Variants in GRIP1 observed in about 807,000 individuals in gnomAD.
The protein encoded by GRIP1 is glutamate receptor interacting protein 1, also known as glutamate receptor-interacting protein 1.
In GRIP1, 45 loss-of-function variants were observed where a neutral mutation model predicts 129.9. The ratio of observed to expected loss-of-function variants is 0.35; its 90% CI spans 0.27 to 0.44. The LOEUF is 0.44. GRIP1 is among the 20% of genes least tolerant of loss of function. The pLI, the probability that GRIP1 is intolerant of heterozygous loss-of-function variation, is 1.00. For synonymous variants in GRIP1, 530 were observed against 520.8 expected, an observed-to-expected ratio of 1.02 and a Z score of -0.24; for missense variants, 1,196 against 1,396.8, an observed-to-expected ratio of 0.86 and a Z score of 2.29.
At chr12:66,815,833 T>C (rs1030430036) in intron 1 of GRIP1, among the ~76,000 whole-genome samples, 2 of 87,068 alleles carry the variant, frequency 2.3e-5, no homozygotes, top group Non-Finnish European at 4.7e-5. Context: ...TCTTTCTTTC[T>C]TTCTTTCTTT....
At chr12:66,995,199 C>T (rs1363327925) in intron 1 of GRIP1, among the ~76,000 whole-genome samples, 5 of 148,652 alleles carry the variant, frequency 3.4e-5, no homozygotes, top group African/African-American at 1.2e-4. Flanking sequence ...AAAAAAGACT[C>T]AAAATGGATC....
intron 1 of GRIP1, among the ~76,000 whole-genome samples, chr12:66,731,655 G>T (rs996342440): frequency 6.6e-6 from 1 of 152,158 alleles, no homozygotes; most frequent in Non-Finnish European, 1.5e-5. Context: ...GACAAGAAAA[G>T]AATTAGGTCA....
At chr12:66,455,614 G>A in intron 10 of GRIP1, 50 bp from the exon 11 acceptor site, 1 of 1,552,262 alleles carries the variant, frequency 6.4e-7, no homozygotes, top group Non-Finnish European at 8.8e-7. Context: ...TGAGGTGTGA[G>A]CCCGCCACAC....
chr12:66,931,185 T>G (rs2041389377), intron 1 of GRIP1, among the ~76,000 whole-genome samples: 1 of 152,152 alleles, frequency 6.6e-6, no homozygotes, highest in South Asian at 2.1e-4. Flanking sequence ...AATTGCTAAC[T>G]TTAAGAACTA....
At chr12:66,681,616 C>T (rs970622085), upstream of GRIP1, among the ~76,000 whole-genome samples, 1 of 152,132 alleles carries the variant, frequency 6.6e-6, no homozygotes, top group Non-Finnish European at 1.5e-5. Flanking sequence ...GCTGTCTAGA[C>T]AGTTCAAACT....
rs113271190 is a variant in GRIP1, at chr12:66,716,784, G to A, written c.-419-86448C>T. Among the ~76,000 whole-genome samples, 441 of 152,128 alleles carry A rather than the reference G, an allele frequency of 2.9e-3. 1 individual carries two copies. The highest frequency in any genetic ancestry group is 0.01 in the African/African-American group (418 of 41,524). On this transcript the variant is annotated intron_variant, in intron 1 of 4. Transcript: ENST00000538373. Reference sequence around the variant, plus strand: ...GAGTGGCAGAAAAGGGAAGAAAATCGAGGTGGCAGGTGGGAGGCTTAAATT... The same window carrying A: ...GAGTGGCAGAAAAGGGAAGAAAATCAAGGTGGCAGGTGGGAGGCTTAAATT...
chr12:66,649,755 C>T (rs1208198727), intron 1 of GRIP1, among the ~76,000 whole-genome samples: 1 of 152,122 alleles, frequency 6.6e-6, no homozygotes, highest in African/African-American at 2.4e-5. Flanking sequence ...GTTTCGGATA[C>T]ACGGAAATGA....
chr12:66,675,643 C>G (rs1315527450), intron 1 of GRIP1, among the ~76,000 whole-genome samples: 1 of 152,062 alleles, frequency 6.6e-6, no homozygotes, highest in East Asian at 1.9e-4. Context: ...CTCCAGAAAA[C>G]CCTTTTGTCA....
At chr12:66,754,510 C>CA (rs1391982900) in intron 1 of GRIP1, among the ~76,000 whole-genome samples, 1 of 152,104 alleles carries the variant, frequency 6.6e-6, no homozygotes, top group Admixed American at 6.5e-5. Context: ...ACGAGAGAGA[C>CA]AACATATTCT....
rs565353517 is a variant in GRIP1, at chr12:66,929,266, C to A, written c.58+139784G>T. ...CTAACTCTGCATGGCTGGTTTCATC[C>A]TATCACTCATGTCTCACCTCAAACA... is the stretch of plus-strand genomic sequence containing the variant. On this transcript the variant is annotated intron_variant, in intron 1 of 1. Transcript: ENST00000643019. 1.3e-4 allele frequency among the ~76,000 whole-genome samples: 20 copies of A among 152,270 alleles called. No homozygotes were observed. The South Asian group carries it at 3.1e-3, about 24-fold the overall frequency.
intron 1 of GRIP1, among the ~76,000 whole-genome samples, chr12:66,892,318 C>T (rs371137427): frequency 6.6e-6 from 1 of 152,152 alleles, no homozygotes; most frequent in Non-Finnish European, 1.5e-5. Flanking sequence ...AATTGGTCTC[C>T]CTGCTTCCCC....
chr12:66,751,785 C>A (rs143936012), intron 1 of GRIP1, among the ~76,000 whole-genome samples: 181 of 152,298 alleles, frequency 1.2e-3, no homozygotes, highest in African/African-American at 4.3e-3. Context: ...TCAAATTTAT[C>A]TCGCTTATAA....
chr12:66,847,718 A>C lies in GRIP1; in HGVS notation c.58+221332T>G, dbSNP rs946384033. ...CTGTTCCTAGGAACTTTATGAGTGA[A>C]TATAGCCACAAATTCTGCTTTAGAA... On this transcript the variant is annotated intron_variant, in intron 1 of 1. Coordinates refer to the GRIP1 transcript ENST00000643019. Among the ~76,000 whole-genome samples, 5 of 152,162 alleles carry C rather than the reference A, an allele frequency of 3.3e-5. No homozygotes were observed. The East Asian group carries it at 9.6e-4, about 29-fold the overall frequency.
chr12:66,956,237 T>C (rs2041839224), intron 1 of GRIP1, among the ~76,000 whole-genome samples: 1 of 152,250 alleles, frequency 6.6e-6, no homozygotes. Flanking sequence ...TTTTTTGTTA[T>C]GACCTTGAAA....
At chr12:67,003,925 G>A (rs1171615167) in intron 1 of GRIP1, among the ~76,000 whole-genome samples, 1 of 152,064 alleles carries the variant, frequency 6.6e-6, no homozygotes, top group African/African-American at 2.4e-5. Context: ...ACTGGGCCAC[G>A]TTCCTTCCAG....
intron 1 of GRIP1, among the ~76,000 whole-genome samples, chr12:66,827,285 G>C (rs1295724934): frequency 6.6e-6 from 1 of 151,732 alleles, no homozygotes; most frequent in Admixed American, 6.6e-5. Flanking sequence ...CAGAATGTTT[G>C]CAGGGCTTCA....
At chr12:66,965,330 C>G (rs988847016) in intron 1 of GRIP1, among the ~76,000 whole-genome samples, 47 of 152,090 alleles carry the variant, frequency 3.1e-4, no homozygotes, top group African/African-American at 1.0e-3. Flanking sequence ...TGATTACTCT[C>G]TAACACCTTT....
chr12:66,879,877 G>T (rs189838092), intron 1 of GRIP1, among the ~76,000 whole-genome samples: 4 of 152,240 alleles, frequency 2.6e-5, no homozygotes, highest in Non-Finnish European at 5.9e-5. Context: ...TATGCAAGGA[G>T]GGTATGGGAG....
intron 4 of GRIP1, among the ~76,000 whole-genome samples, chr12:66,530,975 G>T (rs1026983651): frequency 1.3e-5 from 2 of 151,642 alleles, no homozygotes; most frequent in Non-Finnish European, 2.9e-5. Context: ...GGTGGCTCAC[G>T]CCTGTAATCC....
Sources: gnomAD v4.1 joint callset for allele counts (sites outside exome capture counted in the v4.1 genomes callset) on GRCh38, gnomAD v4.1.1 for gene constraint, MANE v1.5 for transcripts, NCBI Gene and HGNC (gene_info 2026-07-23, HGNC 2026-07-21) for gene names.